The following MTF2 variants were observed in gnomAD, a reference collection of about 807,000 sequenced individuals.
The protein encoded by MTF2 is metal response element binding transcription factor 2, also known as metal-response element-binding transcription factor 2.
MTF2 carries 11 observed loss-of-function variants against 79.5 expected under a neutral mutation model. That is an observed-to-expected ratio of 0.14 (90% CI 0.09 to 0.23). The LOEUF is 0.23. Ranked by LOEUF, MTF2 falls within the 10% of genes least tolerant of loss-of-function variation. The pLI, the probability that MTF2 is intolerant of heterozygous loss-of-function variation, is 1.00. For missense variants in MTF2, 486 were observed against 711.2 expected, an observed-to-expected ratio of 0.68 and a Z score of 3.60; for synonymous variants, 208 against 232.8, an observed-to-expected ratio of 0.89 and a Z score of 0.97.
intron 1 of MTF2, among the ~76,000 whole-genome samples, chr1:93,106,045 C>G (rs1655767194): frequency 6.6e-6 from 1 of 151,784 alleles, no homozygotes; most frequent in African/African-American, 2.4e-5. Context: ...GGAGGTTTGA[C>G]TGTGAATGGA....
chr1:93,134,519 T>G, intron 14 of MTF2: 1 of 215,300 alleles, frequency 4.6e-6, no homozygotes, highest in Non-Finnish European at 9.0e-6. Context: ...TTTAGGAAGA[T>G]ATGATTTTTT....
chr1:93,125,287 C>T (rs1263480828), intron 9 of MTF2, among the ~76,000 whole-genome samples: 1 of 144,996 alleles, frequency 6.9e-6, no homozygotes, highest in Non-Finnish European at 1.5e-5. Flanking sequence ...TGATTAGCAA[C>T]GCTGGTTTGT....
Position 93,133,783 on chromosome 1 carries a change from T to A in MTF2, c.1241T>A (p.Ile414Asn). The change falls in exon 12 of 15, where the codon ATT becomes AAT. Residue 414 changes from isoleucine to asparagine, a missense_variant. Physicochemically the swap from Ile to Asn is moderately radical, Grantham distance 149. Around this residue, in one of 4 missense-constraint regions of MTF2, gnomAD observed 209 missense variants for 206.5 expected, o/e 1.01. Coordinates refer to ENST00000370298, the MANE Select transcript of MTF2 (RefSeq NM_007358.4). ...RPPGPYTRKMIQKTAEPLLDK... is the reference protein window; with the variant it reads ...RPPGPYTRKMNQKTAEPLLDK... ...CCTGGCCCATATACAAGAAAAATGA[T>A]TCAAAAAACTGCTGAGCCACTTTTG... is the stretch of plus-strand genomic sequence containing the variant. The A allele has an allele frequency of 1.3e-5, 21 of 1,610,968 alleles. No homozygotes were observed. Among genetic ancestry groups the A allele is most frequent in the Non-Finnish European group, 1.7e-5 (20 of 1,178,316 alleles).
chr1:93,080,780 T>TG (rs1654572916), intron 1 of MTF2, among the ~76,000 whole-genome samples: 1 of 146,642 alleles, frequency 6.8e-6, no homozygotes, highest in African/African-American at 2.5e-5. Flanking sequence ...TTTTTTTTTT[T>TG]GTCAGTAAAT....
Position 93,098,180 on chromosome 1 carries a change from T to A in MTF2, c.6-12050T>A, listed in dbSNP as rs142956050. ...GTGTTGTCTCATGACTTTGTGCCTT[T>A]ACATATGTTCCCTAGGCTTATGAAG... On this transcript the variant is annotated intron_variant, in intron 1 of 14. Coordinates refer to ENST00000370298, the MANE Select transcript of MTF2 (RefSeq NM_007358.4). 2.0e-3 allele frequency among the ~76,000 whole-genome samples: 305 copies of A among 152,326 alleles called. 2 individuals carry two copies. Among genetic ancestry groups the A allele is most frequent in the African/African-American group, 6.9e-3 (286 of 41,558 alleles).
In MTF2 at chr1:93,118,331, GTT is replaced by G. The variant is rs771331927; in HGVS notation, c.633-7_633-6del. ...CAGGAATTTTAGTGTTAACTTTTTT[GTT>G]TTTTTTAATAGCTGGTATTTGAAGA... On this transcript the variant is annotated splice_polypyrimidine_tract_variant and intron_variant, in intron 6 of 14. Transcript: ENST00000370298. 6 of 1,272,276 alleles carry G rather than the reference GTT, an allele frequency of 4.7e-6. No homozygotes were observed. The highest frequency in any genetic ancestry group is 2.6e-5 in the Admixed American group (1 of 38,690). 78.8% of individuals were successfully genotyped at this position (1,272,276 alleles called of 1,614,324 possible).
intron 10 of MTF2, among the ~76,000 whole-genome samples, chr1:93,127,927 G>T (rs755035560): frequency 7.9e-5 from 12 of 151,740 alleles, no homozygotes; most frequent in Non-Finnish European, 1.8e-4. Context: ...TTTTATAAAT[G>T]TATGTGTTGA....
At chr1:93,109,044 G>A (rs1407730675) in intron 1 of MTF2, among the ~76,000 whole-genome samples, 45 of 152,038 alleles carry the variant, frequency 3.0e-4, no homozygotes, top group Admixed American at 2.9e-3. Flanking sequence ...TAATACTTAG[G>A]AACTTTTTGA....
intron 11 of MTF2, among the ~76,000 whole-genome samples, chr1:93,132,563 T>G (rs1458982550): frequency 6.6e-6 from 1 of 152,160 alleles, no homozygotes; most frequent in East Asian, 1.9e-4. Context: ...AATATTATGT[T>G]GATCATTTTA....
At position 93,120,546 on chromosome 1, in the gene MTF2, C is replaced by T; in HGVS notation, c.798-3C>T. ...TGTGTATTTGATTATTTTCGGATTC[C>T]AGGGTAGATATAGCACACCTATGCC... On this transcript the variant is annotated splice_polypyrimidine_tract_variant and splice_region_variant and intron_variant, in intron 8 of 14. Coordinates refer to ENST00000370298, the MANE Select transcript of MTF2 (RefSeq NM_007358.4). The T allele has an allele frequency of 6.4e-7, 1 of 1,567,248 alleles. No individual in the cohort carries two copies. The highest frequency in any genetic ancestry group is 1.2e-5 in the South Asian group (1 of 83,072).
chr1:93,081,573 C>T (rs1399407035), intron 1 of MTF2, among the ~76,000 whole-genome samples: 1 of 152,048 alleles, frequency 6.6e-6, no homozygotes, highest in Non-Finnish European at 1.5e-5. Flanking sequence ...TTTCCCTGTT[C>T]TTCAGGAAAA....
In MTF2 at chr1:93,129,419, A is replaced by G; in HGVS notation, c.1131A>G (p.Arg377=). 2 of 1,565,714 alleles carry G rather than the reference A, an allele frequency of 1.3e-6. No homozygotes were observed. Among genetic ancestry groups the G allele is most frequent in the Non-Finnish European group, 1.7e-6 (2 of 1,148,458 alleles). ...GTSHEFKIKG[R]KASKPISDSR... is the part of the protein sequence containing the mutation. ...CTCATGAATTTAAAATTAAAGGCAG[A>G]AAGGCATCCAAACCTATATCTGATT... Residue 377 remains arginine (R), a synonymous_variant, in exon 11 of 15, where the codon AGA becomes AGG. Coordinates refer to ENST00000370298, the MANE Select transcript of MTF2 (RefSeq NM_007358.4).
At chr1:93,132,476 C>T (rs1163766040) in intron 11 of MTF2, among the ~76,000 whole-genome samples, 2 of 152,202 alleles carry the variant, frequency 1.3e-5, no homozygotes, top group Non-Finnish European at 2.9e-5. Context: ...AAGGCATCCT[C>T]AGTTCCTTCT....
chr1:93,102,841 A>T (rs545977052), intron 1 of MTF2, among the ~76,000 whole-genome samples: 1 of 152,026 alleles, frequency 6.6e-6, no homozygotes, highest in African/African-American at 2.4e-5. Flanking sequence ...TTAGCCATGA[A>T]ATTTTATGGG....
At chr1:93,115,398 C>T (rs1336297036) in intron 5 of MTF2, 72 bp from the exon 6 acceptor site, 10 of 1,207,280 alleles carry the variant, frequency 8.3e-6, no homozygotes, top group African/African-American at 1.5e-5. Flanking sequence ...GTGTCAGAGT[C>T]GTTTTTAAAG....
At chr1:93,110,655 AT>A in intron 3 of MTF2, 29 bp downstream of exon 3, 1 of 1,535,962 alleles carries the variant, frequency 6.5e-7, no homozygotes, top group Non-Finnish European at 9.0e-7. Flanking sequence ...CTTGAACATG[AT>A]TTAAATTAAA....
At chr1:93,106,830 T>G (rs1234283584) in intron 1 of MTF2, among the ~76,000 whole-genome samples, 1 of 152,178 alleles carries the variant, frequency 6.6e-6, no homozygotes, top group Non-Finnish European at 1.5e-5. Context: ...CCCTTAAAGC[T>G]TTTTTCAAAG....
intron 1 of MTF2, among the ~76,000 whole-genome samples, chr1:93,085,476 CT>C (rs71094225): frequency 0.7 from 69,318 of 99,556 alleles, 24,820 homozygotes; most frequent in East Asian, 0.85. Context: ...TGCACCCGGC[CT>C]TTTTTTTTTT....
Position 93,136,545 on chromosome 1 carries a change from T to C in MTF2, c.1425-125T>C, listed in dbSNP as rs1367911874. The C allele has an allele frequency of 3.8e-6, 3 of 784,462 alleles. No homozygotes were observed. In the East Asian group the frequency reaches 7.5e-5, roughly 19 times the overall value. The allele number at this position is 784,462 out of a possible 1,614,324, so 48.6% of individuals were successfully genotyped here. A position where few individuals can be genotyped will look rare whatever the true frequency, so the allele number is the denominator to read the frequency against. On this transcript the variant is annotated intron_variant, in intron 14 of 14. Coordinates refer to ENST00000370298, the MANE Select transcript of MTF2 (RefSeq NM_007358.4). The stretch of plus-strand genomic sequence containing the variant: ...TTATATAGCATTTATTGTTTGGGTT[T>C]GGCTCATTTTTATATCATCAAGGAT...
Sources: gnomAD v4.1 joint callset for allele counts (sites outside exome capture counted in the v4.1 genomes callset) on GRCh38, gnomAD v4.1.1 for gene constraint, gnomAD v4.1.1 regional missense constraint, MANE v1.5 for transcripts, NCBI Gene and HGNC (gene_info 2026-07-23, HGNC 2026-07-21) for gene names.